CATSPERT: variants seen among roughly 807,000 people sequenced by gnomAD.
CATSPERT encodes catsper channel auxiliary subunit tau.
chr2:201,617,484 T>C, the CATSPERT span, among the ~76,000 whole-genome samples: 28 of 152,264 alleles, frequency 1.8e-4, no homozygotes, highest in Non-Finnish European at 3.2e-4. Context: ...ATAAATGGTG[T>C]TGGGAAAACT....
At chr2:201,529,365 G>GT in the CATSPERT span, among the ~76,000 whole-genome samples, 2 of 152,240 alleles carry the variant, frequency 1.3e-5, no homozygotes, top group East Asian at 3.9e-4. Context: ...TAAAGCTATT[G>GT]TAATAAAAAC....
chr2:201,601,557 T>A, the CATSPERT span, among the ~76,000 whole-genome samples: 12 of 152,038 alleles, frequency 7.9e-5, no homozygotes, highest in Non-Finnish European at 1.6e-4. Context: ...TAAAATTGTT[T>A]CTTTTTTTAA....
chr2:201,507,728 A>G, the CATSPERT span, among the ~76,000 whole-genome samples: 1 of 151,694 alleles, frequency 6.6e-6, no homozygotes, highest in Admixed American at 6.6e-5. Flanking sequence ...AAACTGGGTA[A>G]TTTATGAAGA....
the CATSPERT span, among the ~76,000 whole-genome samples, chr2:201,582,467 T>C: frequency 2.6e-5 from 4 of 152,172 alleles, no homozygotes; most frequent in Non-Finnish European, 4.4e-5. Flanking sequence ...TGCTTATATC[T>C]AACGGCAATT....
the CATSPERT span, among the ~76,000 whole-genome samples, chr2:201,541,702 T>C: frequency 6.6e-6 from 1 of 151,496 alleles, no homozygotes; most frequent in South Asian, 2.1e-4. Context: ...TTCAAGAGAT[T>C]CTCATGTCTC....
At chr2:201,524,607 A>G in the CATSPERT span, among the ~76,000 whole-genome samples, 1 of 152,220 alleles carries the variant, frequency 6.6e-6, no homozygotes, top group Non-Finnish European at 1.5e-5. Context: ...GACAGGATCA[A>G]ATCCACATAA....
At chr2:201,607,627 C>T in the CATSPERT span, among the ~76,000 whole-genome samples, 1 of 152,058 alleles carries the variant, frequency 6.6e-6, no homozygotes, top group African/African-American at 2.4e-5. Flanking sequence ...GGGGGACACA[C>T]ACACACACAA....
chr2:201,492,815 G>A, the CATSPERT span: 8 of 1,536,318 alleles, frequency 5.2e-6, no homozygotes, highest in African/African-American at 5.5e-5. Context: ...TAGATTTTTG[G>A]TAAGTCCTCC....
At chr2:201,554,704 T>A in the CATSPERT span, 1 of 152,220 alleles carries the variant, frequency 6.6e-6, no homozygotes, top group East Asian at 1.9e-4. Flanking sequence ...TTATTCTTAA[T>A]CATAACATTT....
the CATSPERT span, chr2:201,535,892 T>C: frequency 1.3e-6 from 2 of 1,519,228 alleles, no homozygotes; most frequent in Non-Finnish European, 1.8e-6. Flanking sequence ...TAATTTTTAA[T>C]CTGGTGGAAA....
the CATSPERT span, chr2:201,493,238 C>A: frequency 2.0e-6 from 3 of 1,536,382 alleles, no homozygotes; most frequent in East Asian, 7.3e-5. Context: ...AGCCTCTGAC[C>A]ATTTCTTGGC....
the CATSPERT span, among the ~76,000 whole-genome samples, chr2:201,585,289 C>T: frequency 2.0e-5 from 3 of 151,206 alleles, no homozygotes; most frequent in Non-Finnish European, 4.4e-5. Context: ...ATGTAGATGA[C>T]GGTATGATGG....
chr2:201,579,833 G>C, the CATSPERT span, among the ~76,000 whole-genome samples: 1 of 151,298 alleles, frequency 6.6e-6, no homozygotes, highest in East Asian at 1.9e-4. Context: ...ATTAGATTTG[G>C]GTTACACTTC....
At chr2:201,542,602 A>G in the CATSPERT span, among the ~76,000 whole-genome samples, 1 of 152,188 alleles carries the variant, frequency 6.6e-6, no homozygotes, top group African/African-American at 2.4e-5. Flanking sequence ...TATTTACCTG[A>G]TGATTAATGA....
At chr2:201,545,259 G>T in the CATSPERT span, among the ~76,000 whole-genome samples, 2 of 151,950 alleles carry the variant, frequency 1.3e-5, no homozygotes, top group East Asian at 3.9e-4. Context: ...GGCTGGTCTT[G>T]AACTCCTGAC....
At chr2:201,571,221 AATAG>A in the CATSPERT span, among the ~76,000 whole-genome samples, 1 of 152,176 alleles carries the variant, frequency 6.6e-6, no homozygotes, top group African/African-American at 2.4e-5. Context: ...ACCAATATCA[AATAG>A]ATAAAGTATT....
the CATSPERT span, among the ~76,000 whole-genome samples, chr2:201,594,385 G>A: frequency 1.3e-5 from 2 of 151,986 alleles, no homozygotes; most frequent in African/African-American, 2.4e-5. Flanking sequence ...AGGGTAACCC[G>A]ACCTTTCTCT....
the CATSPERT span, among the ~76,000 whole-genome samples, chr2:201,544,270 TGG>T: frequency 6.6e-6 from 1 of 152,198 alleles, no homozygotes; most frequent in East Asian, 1.9e-4. Flanking sequence ...GTTGGACATC[TGG>T]TTTGGTTCCA....
At chr2:201,564,200 A>G in the CATSPERT span, among the ~76,000 whole-genome samples, 2 of 152,218 alleles carry the variant, frequency 1.3e-5, no homozygotes, top group African/African-American at 2.4e-5. Flanking sequence ...ACAAGAACTA[A>G]AGCCCAGCTT....
Sources: gnomAD v4.1 joint callset for allele counts (sites outside exome capture counted in the v4.1 genomes callset) on GRCh38, gnomAD v4.1.1 for gene constraint, MANE v1.5 for transcripts, NCBI Gene and HGNC (gene_info 2026-07-23, HGNC 2026-07-21) for gene names.